The following C6 variants were observed in gnomAD, a reference collection of about 807,000 sequenced individuals.
The protein encoded by C6 is complement component C6.
Under a neutral mutation model 112.9 loss-of-function variants are expected in C6, and 101 were observed. The observed-to-expected ratio is 0.89, with a 90% CI of 0.76 to 1.06. C6 has a LOEUF of 1.06. Among genes scored for constraint, C6 ranks in the 50% least tolerant of loss-of-function variants. The pLI is 0.00. For synonymous variants in C6, 431 were observed against 384.1 expected (o/e 1.12, Z -1.43); for missense variants, 1,202 against 1,104.6 (o/e 1.09, Z -1.25).
intron 1 of C6, among the ~76,000 whole-genome samples, chr5:41,251,694 A>G (rs1741372814): frequency 6.6e-6 from 1 of 152,226 alleles, no homozygotes; most frequent in Non-Finnish European, 1.5e-5. Context: ...GACGCTAGGC[A>G]AATACAAAAT....
chr5:41,199,975 A>G (rs572826097), intron 3 of C6, 63 bp from the exon 4 acceptor site: 5 of 1,492,424 alleles, frequency 3.4e-6, no homozygotes, highest in Middle Eastern at 1.7e-4. Context: ...TGTACCTAAG[A>G]AAACTGGGCT....
chr5:41,229,379 C>G (rs1018007716), intron 1 of C6, among the ~76,000 whole-genome samples: 5 of 150,650 alleles, frequency 3.3e-5, no homozygotes, highest in Non-Finnish European at 7.4e-5. Flanking sequence ...AGTTATGTTA[C>G]CACTCTCATT....
At chr5:41,201,741 A>G in intron 2 of C6, 27 bp from the exon 3 acceptor site, 1 of 1,592,638 alleles carries the variant, frequency 6.3e-7, no homozygotes, top group South Asian at 1.1e-5. Context: ...GAAGTTGCTT[A>G]GAATGAGTGT....
intron 1 of C6, among the ~76,000 whole-genome samples, chr5:41,233,070 T>G (rs1740008779): frequency 6.6e-6 from 1 of 152,116 alleles, no homozygotes; most frequent in Admixed American, 6.6e-5. Context: ...TATTACTGTA[T>G]TTTCTGTATT....
At position 41,142,564 on chromosome 5, in the gene C6, A is replaced by G; in HGVS notation, c.*261T>C. 1 of 511,146 alleles carries G rather than the reference A, an allele frequency of 2.0e-6. No homozygotes were observed. The highest frequency in any genetic ancestry group is 3.6e-6 in the Non-Finnish European group (1 of 281,318). The allele number at this position is 511,146 out of a possible 1,614,324, so 31.7% of individuals were successfully genotyped here. A position where few individuals can be genotyped will look rare whatever the true frequency, so the allele number is the denominator to read the frequency against. The stretch of plus-strand genomic sequence containing the variant: ...TCAGAAGTCACATTATTTTTGTACA[A>G]TGTGAACAGGAGAATTTACGAGACT... On this transcript the variant is annotated 3_prime_UTR_variant, in exon 18 of 18. Transcript: ENST00000337836.
chr5:41,235,083 T>A (rs1337689948), intron 1 of C6, among the ~76,000 whole-genome samples: 2 of 150,956 alleles, frequency 1.3e-5, no homozygotes. Flanking sequence ...TAATGTTTTT[T>A]TTTTTATTAT....
Position 41,247,186 on chromosome 5 carries a change from A to T in C6, c.-21+14008T>A, listed in dbSNP as rs2921184. The stretch of plus-strand genomic sequence containing the variant: ...CCAATTCAAGGAAGTCCTAGCCAGA[A>T]CAATCAGGCAAAGGAAAAAAAATAA... On this transcript the variant is annotated intron_variant, in intron 1 of 17. Transcript: ENST00000263413. 1.1e-3 allele frequency among the ~76,000 whole-genome samples: 168 copies of T among 152,026 alleles called. No homozygotes were observed. In the Middle Eastern group the frequency reaches 0.024, roughly 22 times the overall value.
chr5:41,176,367 C>G, intron 8 of C6, 108 bp downstream of exon 8: 1 of 1,100,290 alleles, frequency 9.1e-7, no homozygotes, highest in Non-Finnish European at 1.3e-6. Context: ...GGAAATAAAG[C>G]AGGATCTAAA....
At chr5:41,256,550 A>T (rs1165402080) in intron 1 of C6, among the ~76,000 whole-genome samples, 1 of 151,426 alleles carries the variant, frequency 6.6e-6, no homozygotes, top group Non-Finnish European at 1.5e-5. Flanking sequence ...CTGAAATCAG[A>T]GGGCCCCACT....
intron 1 of C6, among the ~76,000 whole-genome samples, chr5:41,205,728 G>A (rs1272826935): frequency 6.6e-6 from 1 of 152,180 alleles, no homozygotes; most frequent in African/African-American, 2.4e-5. Context: ...TGGGAATCTC[G>A]AACCTGGTGG....
At chr5:41,188,761 A>G (rs1416656439) in intron 5 of C6, among the ~76,000 whole-genome samples, 3 of 152,174 alleles carry the variant, frequency 2.0e-5, no homozygotes, top group Middle Eastern at 3.4e-3. Flanking sequence ...AAAAGAAGAA[A>G]TAAATATATT....
At chr5:41,193,085 G>T (rs559822305) in intron 5 of C6, among the ~76,000 whole-genome samples, 2 of 152,132 alleles carry the variant, frequency 1.3e-5, no homozygotes, top group Non-Finnish European at 2.9e-5. Flanking sequence ...GAATTCTGTG[G>T]GTTGTCTAAG....
chr5:41,153,155 T>C (rs1304300758), intron 15 of C6: 1 of 152,314 alleles, frequency 6.6e-6, no homozygotes, highest in Admixed American at 6.5e-5. Flanking sequence ...CCTCACAGTG[T>C]CGGGTTTTAT....
chr5:41,202,674 G>A (rs904196373), intron 2 of C6, among the ~76,000 whole-genome samples: 1 of 152,120 alleles, frequency 6.6e-6, no homozygotes, highest in Non-Finnish European at 1.5e-5. Flanking sequence ...TTGCCATTTT[G>A]TATATGCCAA....
intron 1 of C6, among the ~76,000 whole-genome samples, chr5:41,229,497 GTTA>G (rs1739747616): frequency 6.6e-6 from 1 of 151,944 alleles, no homozygotes; most frequent in South Asian, 2.1e-4. Flanking sequence ...TTTTCCTCCT[GTTA>G]TTGATTTCTA....
intron 5 of C6, among the ~76,000 whole-genome samples, chr5:41,189,730 T>C (rs1318512225): frequency 6.6e-6 from 1 of 152,116 alleles, no homozygotes; most frequent in Non-Finnish European, 1.5e-5. Context: ...TATCTAGCTG[T>C]AATTTTGTAA....
intron 1 of C6, among the ~76,000 whole-genome samples, chr5:41,211,061 A>C (rs1480056547): frequency 6.6e-6 from 1 of 152,220 alleles, no homozygotes; most frequent in Admixed American, 6.5e-5. Context: ...GTAGCCATAA[A>C]AAATGATGAG....
chr5:41,144,731 C>G (rs1249874542), intron 17 of C6, among the ~76,000 whole-genome samples: 1 of 152,100 alleles, frequency 6.6e-6, no homozygotes, highest in East Asian at 1.9e-4. Flanking sequence ...TAATCCTCTC[C>G]CTACTCCCAC....
chr5:41,259,537 C>A (rs1164454428), intron 1 of C6, among the ~76,000 whole-genome samples: 1 of 149,152 alleles, frequency 6.7e-6, no homozygotes, highest in African/African-American at 2.5e-5. Flanking sequence ...AAAAAAAAAT[C>A]TCTGTTTTCT....
Sources: allele counts gnomAD v4.1 joint callset (sites outside exome capture counted in the v4.1 genomes callset), GRCh38; gene constraint gnomAD v4.1.1; transcripts MANE v1.5; gene names NCBI Gene and HGNC (gene_info 2026-07-23, HGNC 2026-07-21).